DOCK6: variants seen among roughly 807,000 people sequenced by gnomAD.
DOCK6 encodes the protein dedicator of cytokinesis 6.
Under a neutral mutation model 230.3 loss-of-function variants are expected in DOCK6, and 167 were observed. The observed-to-expected ratio is 0.73, with a 90% confidence interval of 0.64 to 0.82. DOCK6 has a LOEUF of 0.82. Among genes scored for constraint, DOCK6 ranks in the 40% least tolerant of loss-of-function variants. The pLI, the probability that DOCK6 is intolerant of heterozygous loss-of-function variation, is 0.00. For synonymous variants in DOCK6, 1,148 were observed against 1,185.0 expected, an observed-to-expected ratio of 0.97 and a Z score of 0.64; for missense variants, 2,598 against 2,825.8, an observed-to-expected ratio of 0.92 and a Z score of 1.83.
chr19:11,251,775 AAT>A (rs2080121136), intron 5 of DOCK6: 1 of 174,710 alleles, frequency 5.7e-6, no homozygotes, highest in Admixed American at 5.9e-5. Context: ...TAATCTTTGG[AAT>A]AATTATGGTT....
In DOCK6 at chr19:11,253,737, A is replaced by G; in HGVS notation, c.45-11T>C. On this transcript the variant is annotated splice_polypyrimidine_tract_variant and intron_variant, in intron 1 of 47. Coordinates refer to ENST00000294618, the MANE Select transcript of DOCK6 (RefSeq NM_020812.4). ...TCTGCGGCCACCGTCCTGGAAAGAT[A>G]GGGAGGGGGCCATTGGGGACGGGAA... is the stretch of plus-strand genomic sequence containing the variant. The G allele has an allele frequency of 6.8e-7, 1 of 1,471,536 alleles. No homozygotes were observed. The highest frequency in any genetic ancestry group is 9.0e-7 in the Non-Finnish European group (1 of 1,116,624). The allele number at this position is 1,471,536 out of a possible 1,614,324, so 91.2% of individuals were successfully genotyped here. A position where few individuals can be genotyped will look rare whatever the true frequency, so the allele number is the denominator to read the frequency against.
intron 22 of DOCK6, among the ~76,000 whole-genome samples, chr19:11,232,540 C>T (rs776040695): frequency 2.0e-5 from 3 of 152,070 alleles, no homozygotes; most frequent in East Asian, 1.9e-4. Flanking sequence ...TATACACACC[C>T]GTACACATAT....
In DOCK6 at chr19:11,241,749, G is replaced by A. The variant is rs528715066; in HGVS notation, c.1643+296C>T. ...AAGGAACACTTCCACGCCCCGTGAG[G>A]CCCCTGTGCAGGGAGGAGCTGCCTG... On this transcript the variant is annotated intron_variant, in intron 14 of 47. Coordinates refer to ENST00000294618, the MANE Select transcript of DOCK6 (RefSeq NM_020812.4). 614 of 1,553,808 alleles carry A rather than the reference G, an allele frequency of 4.0e-4. 3 individuals are homozygous for A. The South Asian group carries it at 6.8e-3, about 17-fold the overall frequency.
At chr19:11,247,915 TCTTC>T in intron 7 of DOCK6, 147 bp downstream of exon 7, 1 of 630,396 alleles carries the variant, frequency 1.6e-6, no homozygotes, top group African/African-American at 1.8e-5. Flanking sequence ...AAAAAGGAAG[TCTTC>T]CTTCCCCCAT....
chr19:11,201,620 C>T lies in DOCK6; in HGVS notation c.5688+269G>A, dbSNP rs2079169438. On this transcript the variant is annotated intron_variant, in intron 44 of 47. Coordinates refer to ENST00000294618, the MANE Select transcript of DOCK6 (RefSeq NM_020812.4). This position sits in a 1 kb window ranked among gnomAD's most constrained non-coding sequence, Gnocchi z 4.3. ...CTCCCTGGGCCTTCCTAGATCTGGG[C>T]TCCCTCTGCCTCCTCTTTCTGGGTC... Among the ~76,000 whole-genome samples the T allele has an allele frequency of 6.6e-6, 1 of 151,822 alleles. No individual in the cohort carries two copies. The highest frequency in any genetic ancestry group is 2.4e-5 in the African/African-American group (1 of 41,310).
intron 14 of DOCK6, chr19:11,239,631 C>T (rs1373168046): frequency 1.2e-6 from 2 of 1,613,692 alleles, no homozygotes; most frequent in South Asian, 1.1e-5. Flanking sequence ...ACCTTAGACC[C>T]TCAGTCATGC....
chr19:11,200,380 A>T lies in DOCK6; in HGVS notation c.6029T>A (p.Leu2010Gln). The T allele has an allele frequency of 6.2e-7, 1 of 1,600,688 alleles. No individual in the cohort carries two copies. The highest frequency in any genetic ancestry group is 8.5e-7 in the Non-Finnish European group (1 of 1,174,078). The change falls in exon 47 of 48, where the codon CTG (leucine) becomes CAG (glutamine). Residue 2010 changes from leucine (L) to glutamine (Q), a missense_variant. Coordinates refer to ENST00000294618, the MANE Select transcript of DOCK6 (RefSeq NM_020812.4). This position sits in a 1 kb window ranked among gnomAD's most constrained non-coding sequence, Gnocchi z 4.3. ...AAGCAGGGGCTGCAGAGCCTCCCGC[A>T]GGCGGCAGTAGTTGCGCTCCAGCTC... ...HRELERNYCR[L>Q]REALQPLLTQ...
chr19:11,259,462 T>C (rs1322930055), intron 1 of DOCK6, among the ~76,000 whole-genome samples: 2 of 151,912 alleles, frequency 1.3e-5, no homozygotes, highest in African/African-American at 4.8e-5. Flanking sequence ...GAGAGATGTT[T>C]ACCTGAAATT....
intron 22 of DOCK6, chr19:11,229,338 GA>G (rs2079725789): frequency 8.6e-7 from 1 of 1,156,886 alleles, no homozygotes; most frequent in Non-Finnish European, 1.1e-6. Context: ...TGGTGGGGCC[GA>G]GGAGGAACCC....
chr19:11,230,043 C>CA (rs74180012), intron 22 of DOCK6, among the ~76,000 whole-genome samples: 9,465 of 45,596 alleles, frequency 0.21, 858 homozygotes, highest in East Asian at 0.32. Flanking sequence ...GACTCCATCT[C>CA]AAAAAAAAAA....
In DOCK6 at chr19:11,212,008, G is replaced by T. The variant is rs2079395241; in HGVS notation, c.4635C>A (p.Ser1545Arg). ...CAGGTGTCACCTGCTCTGCGAAGGT[G>T]CTGTCCCGCAGCCCCATGTCCTCCT... ...YAEEDMGLRD[S>R]TFAEQVQDLM... Residue 1545 changes from serine to arginine, a missense_variant, in exon 36 of 48, where the codon AGC (serine) becomes AGA (arginine). Transcript: ENST00000294618. 1.9e-6 allele frequency: 3 copies of T among 1,606,116 alleles called. No homozygotes were observed. In the African/African-American group the frequency reaches 4.0e-5, roughly 21 times the overall value.
chr19:11,240,165 G>C (rs1462580717), intron 14 of DOCK6: 23 of 1,552,256 alleles, frequency 1.5e-5, no homozygotes, highest in Non-Finnish European at 1.9e-5. Context: ...GCTGCAGGCA[G>C]AGGCCACAGC....
chr19:11,206,847 T>G (rs913489209), intron 39 of DOCK6, among the ~76,000 whole-genome samples: 1 of 151,384 alleles, frequency 6.6e-6, no homozygotes, highest in Admixed American at 6.6e-5. Flanking sequence ...TTTTTTTTTT[T>G]GTTTTTTGTT....
At chr19:11,210,421 C>A (rs1472969438) in intron 37 of DOCK6, among the ~76,000 whole-genome samples, 1 of 148,062 alleles carries the variant, frequency 6.8e-6, no homozygotes, top group Non-Finnish European at 1.5e-5. Context: ...CACCTGTCTC[C>A]TTGCCTGTTC....
chr19:11,215,997 C>T, intron 30 of DOCK6, 70 bp from the exon 31 acceptor site: 7 of 1,585,558 alleles, frequency 4.4e-6, no homozygotes, highest in Non-Finnish European at 6.0e-6. Context: ...CTGGCCCCAT[C>T]CCTTTCTTTG....
In DOCK6 at chr19:11,201,937, G is replaced by A. The variant is rs200959822; in HGVS notation, c.5640C>T (p.His1880=). The change falls in exon 44 of 48, where the codon CAC becomes CAT. Residue 1880 remains histidine (H), a synonymous_variant. Coordinates refer to ENST00000294618, the MANE Select transcript of DOCK6 (RefSeq NM_020812.4). This position sits in a 1 kb window ranked among gnomAD's most constrained non-coding sequence, Gnocchi z 4.3. ...TGCGAGTCTTGATGTAGGGGAAGGC[G>A]TGGTCGGTGCTGAGCAGCGTCTTAC... ...HKRKTLLSTD[H]AFPYIKTRIR... 1.6e-3 allele frequency: 2,522 copies of A among 1,607,684 alleles called. 6 individuals are homozygous for A. Among genetic ancestry groups the A allele is most frequent in the Non-Finnish European group, 1.9e-3 (2,290 of 1,177,014 alleles).
chr19:11,225,868 TAAAAAAAA>T (rs745740690), intron 24 of DOCK6, among the ~76,000 whole-genome samples: 3 of 71,002 alleles, frequency 4.2e-5, no homozygotes, highest in Non-Finnish European at 5.5e-5. Flanking sequence ...CTGACTCTAC[TAAAAAAAA>T]AAAAAAAAAA....
intron 23 of DOCK6, among the ~76,000 whole-genome samples, chr19:11,228,485 C>A (rs1355595492): frequency 6.6e-6 from 1 of 151,790 alleles, no homozygotes; most frequent in Non-Finnish European, 1.5e-5. Flanking sequence ...TGCCTCTCAC[C>A]TCCCTAGGTT....
At chr19:11,238,014 C>T (rs751960932) in intron 16 of DOCK6, 31 bp downstream of exon 16, 2 of 1,612,336 alleles carry the variant, frequency 1.2e-6, no homozygotes, top group Non-Finnish European at 1.7e-6. Flanking sequence ...CCATGAGTGC[C>T]CCCAAGTTCC....
Sources: allele counts gnomAD v4.1 joint callset (sites outside exome capture counted in the v4.1 genomes callset), GRCh38; gene constraint gnomAD v4.1.1; non-coding constraint Gnocchi (gnomAD v3.1); transcripts MANE v1.5; gene names NCBI Gene and HGNC (gene_info 2026-07-23, HGNC 2026-07-21).